The following FBXW7 variants were observed in gnomAD, a reference collection of about 807,000 sequenced individuals.
FBXW7 encodes F-box/WD repeat-containing protein 7.
Under a neutral mutation model 86.3 loss-of-function variants are expected in FBXW7, and 11 were observed. That is an observed-to-expected ratio of 0.13 (90% CI 0.08 to 0.21). The LOEUF is 0.21. Ranked by LOEUF, FBXW7 falls within the 10% of genes least tolerant of loss-of-function variation. FBXW7 has a pLI of 1.00. For missense variants in FBXW7, 488 were observed against 847.4 expected, an observed-to-expected ratio of 0.58 and a Z score of 5.27; for synonymous variants, 313 against 297.9, an observed-to-expected ratio of 1.05 and a Z score of -0.52.
intron 11 of FBXW7, 66 bp downstream of exon 11, chr4:152,328,142 C>A (rs868485799): frequency 7.3e-7 from 1 of 1,371,932 alleles, no homozygotes; most frequent in East Asian, 2.6e-5. Flanking sequence ...TAACTCTACA[C>A]AGAAAGGGCC....
At chr4:152,432,205 T>C (rs559615087) in intron 2 of FBXW7, among the ~76,000 whole-genome samples, 4 of 152,276 alleles carry the variant, frequency 2.6e-5, no homozygotes, top group East Asian at 1.9e-4. Context: ...TTGTGAACTC[T>C]AGGAAAACTG....
intron 4 of FBXW7, among the ~76,000 whole-genome samples, chr4:152,356,769 A>T (rs1418692800): frequency 6.6e-6 from 1 of 152,252 alleles, no homozygotes; most frequent in Non-Finnish European, 1.5e-5. Flanking sequence ...CTGTTCTATT[A>T]CAGATATCAA....
intron 2 of FBXW7, among the ~76,000 whole-genome samples, chr4:152,425,964 A>G (rs1739347288): frequency 6.6e-6 from 1 of 152,176 alleles, no homozygotes; most frequent in Non-Finnish European, 1.5e-5. Context: ...AGCTCCAGGT[A>G]AAGAAGCAGG....
At chr4:152,458,555 T>C (rs1358124530) in intron 2 of FBXW7, among the ~76,000 whole-genome samples, 3 of 152,248 alleles carry the variant, frequency 2.0e-5, no homozygotes, top group Non-Finnish European at 4.4e-5. Context: ...AGGTCAGACA[T>C]GTCTTAGCAG....
intron 4 of FBXW7, among the ~76,000 whole-genome samples, chr4:152,370,078 C>T (rs1396419276): frequency 1.3e-5 from 2 of 151,942 alleles, no homozygotes; most frequent in African/African-American, 4.8e-5. Flanking sequence ...TACTATACTG[C>T]CCCTACATGT....
At position 152,535,788 on chromosome 4, in the gene FBXW7, C is replaced by T. The variant is rs1214837437; in HGVS notation, c.-874G>A. On this transcript the variant is annotated 5_prime_UTR_variant, in exon 1 of 14. Transcript: ENST00000281708. ...ACTCCCGGCCCGTGGTAGCCGCCTC[C>T]CTGCCCCCCAAGCCGCCGGCTCCGG... 12 of 393,288 alleles carry T rather than the reference C, an allele frequency of 3.1e-5. No individual in the cohort carries two copies. The Admixed American group carries it at 4.5e-4, about 15-fold the overall frequency. The allele number at this position is 393,288 out of a possible 1,614,324, so 24.4% of individuals were successfully genotyped here. A position where few individuals can be genotyped will look rare whatever the true frequency, so the allele number is the denominator to read the frequency against.
intron 2 of FBXW7, among the ~76,000 whole-genome samples, chr4:152,440,744 T>C (rs76068433): frequency 0.013 from 1,977 of 152,232 alleles, 33 homozygotes; most frequent in African/African-American, 0.043. Context: ...TACACCCATC[T>C]AGTAAAGAGA....
intron 4 of FBXW7, 77 bp downstream of exon 4, chr4:152,411,226 A>T (rs1286592651): frequency 6.9e-7 from 1 of 1,451,634 alleles, no homozygotes; most frequent in Non-Finnish European, 9.2e-7. Flanking sequence ...TAATACAAAG[A>T]CTGTGAGGAA....
chr4:152,468,724 T>A (rs1220846892), intron 2 of FBXW7, among the ~76,000 whole-genome samples: 1 of 152,118 alleles, frequency 6.6e-6, no homozygotes, highest in African/African-American at 2.4e-5. Context: ...TCTCCTGGTA[T>A]ATAAATTTCA....
intron 2 of FBXW7, among the ~76,000 whole-genome samples, chr4:152,510,746 G>A (rs768498811): frequency 1.3e-5 from 2 of 152,206 alleles, no homozygotes; most frequent in Non-Finnish European, 2.9e-5. Context: ...AGTACTCACT[G>A]AGGTCAGTCT....
At chr4:152,332,749 A>G (rs1353377008) in intron 7 of FBXW7, 30 bp from the exon 8 acceptor site, 1 of 1,112,378 alleles carries the variant, frequency 9.0e-7, no homozygotes, top group East Asian at 3.8e-5. Flanking sequence ...TATAATACCC[A>G]TATTTAAATA....
chr4:152,398,390 T>A (rs1736617545), intron 4 of FBXW7, among the ~76,000 whole-genome samples: 1 of 151,978 alleles, frequency 6.6e-6, no homozygotes. Flanking sequence ...TACTAATATA[T>A]GATTTTTACA....
intron 4 of FBXW7, among the ~76,000 whole-genome samples, chr4:152,396,523 G>C (rs1736430782): frequency 6.6e-6 from 1 of 151,952 alleles, no homozygotes; most frequent in Admixed American, 6.6e-5. Flanking sequence ...ACGTGTTAAA[G>C]ACACAATAAT....
intron 4 of FBXW7, among the ~76,000 whole-genome samples, chr4:152,408,249 T>C (rs142930933): frequency 1.3e-5 from 2 of 152,306 alleles, no homozygotes; most frequent in East Asian, 3.9e-4. Flanking sequence ...ATCATCTCAT[T>C]TGTTTTTCAT....
At chr4:152,510,946 C>A (rs1447115694) in intron 2 of FBXW7, among the ~76,000 whole-genome samples, 1 of 152,010 alleles carries the variant, frequency 6.6e-6, no homozygotes, top group African/African-American at 2.4e-5. Flanking sequence ...CTTCGATATA[C>A]ATTAAATACC....
chr4:152,489,530 G>C (rs1019253216), intron 2 of FBXW7: 6 of 152,416 alleles, frequency 3.9e-5, no homozygotes, highest in African/African-American at 1.4e-4. Flanking sequence ...GTCACTTAAA[G>C]AGAAAAATCA....
chr4:152,494,775 T>A (rs991586441), intron 2 of FBXW7, among the ~76,000 whole-genome samples: 2 of 152,212 alleles, frequency 1.3e-5, no homozygotes, highest in African/African-American at 2.4e-5. Flanking sequence ...CCAGAAAGGC[T>A]GTAGATAACA....
At chr4:152,408,088 G>T (rs1351607801) in intron 4 of FBXW7, among the ~76,000 whole-genome samples, 1 of 152,120 alleles carries the variant, frequency 6.6e-6, no homozygotes, top group Non-Finnish European at 1.5e-5. Flanking sequence ...TAACAATCAA[G>T]ATGGGAAAAA....
chr4:152,533,318 C>T (rs73863134), intron 2 of FBXW7, among the ~76,000 whole-genome samples: 6,362 of 152,154 alleles, frequency 0.042, 436 homozygotes, highest in African/African-American at 0.14. Context: ...GTTTGTCCTC[C>T]CCTCCTTCCC....
Sources: gnomAD v4.1 joint callset for allele counts (sites outside exome capture counted in the v4.1 genomes callset) on GRCh38, gnomAD v4.1.1 for gene constraint, MANE v1.5 for transcripts, NCBI Gene and HGNC (gene_info 2026-07-23, HGNC 2026-07-21) for gene names.